LATS1: variants seen among roughly 807,000 people sequenced by gnomAD.
LATS1 encodes serine/threonine-protein kinase LATS1.
LATS1 carries 25 observed loss-of-function variants against 106.6 expected under a neutral mutation model. That is an observed-to-expected ratio of 0.23 (90% CI 0.17 to 0.33). The LOEUF (loss-of-function observed/expected upper bound fraction) is 0.33. Ranked by LOEUF, LATS1 falls within the 10% of genes least tolerant of loss-of-function variation. The probability of loss-of-function intolerance (pLI) is 1.00; values close to 1 mark genes in which losing one functional copy is unlikely to be tolerated. For missense variants in LATS1, 1,040 were observed against 1,382.6 expected (o/e 0.75, Z 3.93); for synonymous variants, 465 against 455.6 (o/e 1.02, Z -0.26).
At chr6:149,664,333 C>G (rs1376378565) in intron 7 of LATS1, among the ~76,000 whole-genome samples, 1 of 115,216 alleles carries the variant, frequency 8.7e-6, no homozygotes, top group African/African-American at 3.8e-5. Flanking sequence ...ATTAGAGTCT[C>G]AAAAGGTAAG....
At chr6:149,665,994 T>G (rs1781121920) in intron 7 of LATS1, among the ~76,000 whole-genome samples, 1 of 150,530 alleles carries the variant, frequency 6.6e-6, no homozygotes, top group Admixed American at 6.6e-5. Flanking sequence ...ATACAAAAAT[T>G]AGCTGGGCAT....
chr6:149,708,753 T>C (rs1381535873), intron 1 of LATS1, among the ~76,000 whole-genome samples: 2 of 152,216 alleles, frequency 1.3e-5, no homozygotes, highest in Non-Finnish European at 2.9e-5. Context: ...AGAACCCTAC[T>C]GACTCCCACT....
chr6:149,701,406 A>G (rs1783454156), intron 2 of LATS1, among the ~76,000 whole-genome samples: 1 of 152,172 alleles, frequency 6.6e-6, no homozygotes, highest in Non-Finnish European at 1.5e-5. Flanking sequence ...TAAATTTCAT[A>G]TCCTTGGAAC....
intron 7 of LATS1, among the ~76,000 whole-genome samples, chr6:149,673,448 T>C (rs1477237047): frequency 2.6e-5 from 4 of 151,890 alleles, no homozygotes; most frequent in East Asian, 1.9e-4. Flanking sequence ...TTCCAGAACA[T>C]AGAATTGATG....
intron 7 of LATS1, among the ~76,000 whole-genome samples, chr6:149,668,996 ATT>A (rs550015369): frequency 6.6e-6 from 1 of 151,560 alleles, no homozygotes; most frequent in African/African-American, 2.4e-5. Context: ...AATTAAAAAA[ATT>A]TTTTTGTAGA....
At chr6:149,686,098 T>C (rs1782361554) in intron 3 of LATS1, among the ~76,000 whole-genome samples, 1 of 152,060 alleles carries the variant, frequency 6.6e-6, no homozygotes, top group Non-Finnish European at 1.5e-5. Context: ...ACTAATAAAT[T>C]TGAAAGGTCA....
intron 1 of LATS1, among the ~76,000 whole-genome samples, chr6:149,714,262 A>C (rs1305397968): frequency 6.6e-6 from 1 of 151,958 alleles, no homozygotes; most frequent in African/African-American, 2.4e-5. Flanking sequence ...ATGAGCTACC[A>C]CGCCCAGCTA....
intron 2 of LATS1, 23 bp downstream of exon 2, chr6:149,701,756 C>T (rs200786817): frequency 6.5e-7 from 1 of 1,541,646 alleles, no homozygotes; most frequent in East Asian, 2.3e-5. Flanking sequence ...AGAATCCTTT[C>T]TTTTGTCTTT....
intron 7 of LATS1, among the ~76,000 whole-genome samples, chr6:149,665,730 G>T (rs1428136403): frequency 6.6e-6 from 1 of 152,148 alleles, no homozygotes; most frequent in Non-Finnish European, 1.5e-5. Context: ...AGATCTATCT[G>T]CCTAGAAAGG....
At chr6:149,710,267 T>C (rs1784015034) in intron 1 of LATS1, among the ~76,000 whole-genome samples, 2 of 152,208 alleles carry the variant, frequency 1.3e-5, no homozygotes, top group Non-Finnish European at 2.9e-5. Context: ...CCATTCATAT[T>C]TGGCTTAGAA....
At chr6:149,668,899 C>T (rs1181605319) in intron 7 of LATS1, among the ~76,000 whole-genome samples, 1 of 151,736 alleles carries the variant, frequency 6.6e-6, no homozygotes, top group Non-Finnish European at 1.5e-5. Context: ...ACCTCCTGGA[C>T]TTAAGGGATC....
chr6:149,675,890 G>C, intron 7 of LATS1: 1 of 207,350 alleles, frequency 4.8e-6, no homozygotes, highest in Non-Finnish European at 9.8e-6. Flanking sequence ...TATGATATAT[G>C]AGTATGCTGT....
chr6:149,673,100 T>C (rs937977971), intron 7 of LATS1, among the ~76,000 whole-genome samples: 9 of 52,242 alleles, frequency 1.7e-4, no homozygotes, highest in East Asian at 4.8e-3. Context: ...TCTTTTCTTT[T>C]TTTTTTTTTT....
rs1780813703 is a variant in LATS1, at chr6:149,659,477, AG to A, written c.*2251del. On this transcript the variant is annotated 3_prime_UTR_variant, in exon 8 of 8. Coordinates refer to ENST00000543571, the MANE Select transcript of LATS1 (RefSeq NM_004690.4). ...CTGTCTCAAAACAAAAAACAAAAAA[AG>A]AATACAAAATTTGTAGTGTCTGTTA... 1.8e-5 allele frequency: 4 copies of A among 225,656 alleles called. No individual in the cohort carries two copies. In the East Asian group the frequency reaches 2.5e-4, roughly 14 times the overall value. 14.0% of individuals were successfully genotyped at this position (225,656 alleles called of 1,614,324 possible).
chr6:149,668,023 C>A (rs964482822), intron 7 of LATS1, among the ~76,000 whole-genome samples: 1 of 152,156 alleles, frequency 6.6e-6, no homozygotes, highest in Non-Finnish European at 1.5e-5. Context: ...TGGGTTCAAG[C>A]AATTCTCCTG....
In LATS1 at chr6:149,683,599, G is replaced by C. The variant is rs1782182248; in HGVS notation, c.1490C>G (p.Pro497Arg). The C allele has an allele frequency of 6.2e-7, 1 of 1,614,136 alleles. No individual in the cohort carries two copies. Among genetic ancestry groups the C allele is most frequent in the South Asian group, 1.1e-5 (1 of 91,084 alleles). The change falls in exon 4 of 8, where the codon CCT becomes CGT. Residue 497 changes from proline to arginine, a missense_variant. Physicochemically the swap from Pro to Arg is moderately radical, Grantham distance 103. This residue lies in a region of LATS1 where 624 missense variants were observed against 714.8 expected (regional missense o/e 0.87). Transcript: ENST00000543571. ...TAITPAPIQQ[P>R]VKSMRVLKPE... ...TTTTAATACACGCATACTTTTCACA[G>C]GCTGTTGAATAGGAGCTGGTGTAAT...
At chr6:149,673,096 C>CTTTTTT (rs199602290) in intron 7 of LATS1, among the ~76,000 whole-genome samples, 18 of 119,100 alleles carry the variant, frequency 1.5e-4, no homozygotes, top group South Asian at 5.3e-4. Flanking sequence ...CTTTTCTTTT[C>CTTTTTT]TTTTTTTTTT....
intron 3 of LATS1, among the ~76,000 whole-genome samples, chr6:149,692,920 C>T (rs1782848975): frequency 2.0e-5 from 3 of 151,914 alleles, no homozygotes; most frequent in East Asian, 2.0e-4. Flanking sequence ...GTGATCTGCC[C>T]GCCTTGGCCT....
At chr6:149,676,791 A>C in intron 5 of LATS1, 54 bp from the exon 6 acceptor site, 1 of 1,474,460 alleles carries the variant, frequency 6.8e-7, no homozygotes, top group Non-Finnish European at 9.3e-7. Flanking sequence ...AGTAAACCTG[A>C]AGTCTATTTA....
Sources: allele counts gnomAD v4.1 joint callset (sites outside exome capture counted in the v4.1 genomes callset), GRCh38; gene constraint gnomAD v4.1.1; regional missense constraint gnomAD v4.1.1; transcripts MANE v1.5; gene names NCBI Gene and HGNC (gene_info 2026-07-23, HGNC 2026-07-21).